Variants in EYA1 observed in about 807,000 individuals in gnomAD.
EYA1 encodes EYA transcriptional coactivator and phosphatase 1, also known as protein phosphatase EYA1.
EYA1 carries 16 observed loss-of-function variants against 82.0 expected under a neutral mutation model. The observed-to-expected ratio is 0.20, with a 90% CI of 0.13 to 0.30. EYA1 has a LOEUF of 0.30. Ranked by LOEUF, EYA1 falls within the 10% of genes least tolerant of loss-of-function variation. EYA1 has a pLI of 1.00. For missense variants in EYA1, 633 were observed against 730.7 expected (o/e 0.87, Z 1.54); for synonymous variants, 261 against 264.4 (o/e 0.99, Z 0.12).
intron 11 of EYA1, among the ~76,000 whole-genome samples, chr8:71,254,095 C>T (rs1814081362): frequency 6.6e-6 from 1 of 151,828 alleles, no homozygotes; most frequent in East Asian, 1.9e-4. Context: ...TCTTAGTCAA[C>T]CTCCTTAGAG....
At chr8:71,314,027 A>G (rs1443755423) in intron 7 of EYA1, among the ~76,000 whole-genome samples, 1 of 152,210 alleles carries the variant, frequency 6.6e-6, no homozygotes, top group African/African-American at 2.4e-5. Context: ...TTTCCCGGAA[A>G]TAAAGCTAGG....
At chr8:71,402,585 G>T (rs1381646248) in intron 2 of EYA1, among the ~76,000 whole-genome samples, 1 of 152,006 alleles carries the variant, frequency 6.6e-6, no homozygotes, top group Non-Finnish European at 1.5e-5. Context: ...TTAAGTTTGG[G>T]GTTATGAGAG....
At chr8:71,468,386 G>A (rs931274851) in intron 2 of EYA1, among the ~76,000 whole-genome samples, 65 of 152,048 alleles carry the variant, frequency 4.3e-4, no homozygotes, top group African/African-American at 1.5e-3. Flanking sequence ...AAATCATGTT[G>A]CAATTTTTTT....
rs535231449 is a variant in EYA1, at chr8:71,397,390, T to A, written c.34-40879A>T. On this transcript the variant is annotated intron_variant, in intron 2 of 18. Coordinates refer to the EYA1 transcript ENST00000643681. ...TGCAGTTTCTTCCTAGCATCGATGG[T>A]CTTTACAATTTGGCATGTTTTTGCA... Among the ~76,000 whole-genome samples the A allele has an allele frequency of 3.9e-5, 6 of 152,326 alleles. No individual in the cohort carries two copies. The South Asian group carries it at 1.2e-3, about 32-fold the overall frequency.
intron 2 of EYA1, among the ~76,000 whole-genome samples, chr8:71,501,889 G>T (rs118054173): frequency 0.014 from 2,087 of 152,278 alleles, 19 homozygotes; most frequent in Non-Finnish European, 0.021. Flanking sequence ...TTATATTGTG[G>T]TGTGTGCAAC....
intron 2 of EYA1, among the ~76,000 whole-genome samples, chr8:71,470,285 G>A (rs928347414): frequency 2.6e-5 from 4 of 151,984 alleles, no homozygotes; most frequent in Non-Finnish European, 4.4e-5. Flanking sequence ...TTTCTACTCT[G>A]GCTTTTACTT....
intron 2 of EYA1, among the ~76,000 whole-genome samples, chr8:71,480,584 C>T (rs910221564): frequency 6.6e-6 from 1 of 152,144 alleles, no homozygotes; most frequent in African/African-American, 2.4e-5. Flanking sequence ...ATGCTGGCAC[C>T]TTCAGCTGAA....
In EYA1 at chr8:71,199,108, A is replaced by T; in HGVS notation, c.*232T>A. The T allele has an allele frequency of 1.7e-6, 1 of 596,556 alleles. No homozygotes were observed. The highest frequency in any genetic ancestry group is 1.8e-5 in the South Asian group (1 of 54,146). The allele number at this position is 596,556 out of a possible 1,614,324, so 37.0% of individuals were successfully genotyped here. Reference sequence around the variant, plus strand: ...CAGACACATAACGCTGTGCTAAAACATTCTCATGGCTTATTTTCACTGGAT... The same window carrying T: ...CAGACACATAACGCTGTGCTAAAACTTTCTCATGGCTTATTTTCACTGGAT... On this transcript the variant is annotated 3_prime_UTR_variant, in exon 18 of 18. Coordinates refer to ENST00000340726, the MANE Select transcript of EYA1 (RefSeq NM_000503.6).
intron 9 of EYA1, among the ~76,000 whole-genome samples, chr8:71,295,760 G>A (rs916561566): frequency 2.0e-5 from 3 of 152,156 alleles, no homozygotes; most frequent in Admixed American, 6.5e-5. Flanking sequence ...TAAAAAAACT[G>A]CACACAAATG....
At chr8:71,392,079 A>G (rs2129111716) in intron 2 of EYA1, among the ~76,000 whole-genome samples, 1 of 152,138 alleles carries the variant, frequency 6.6e-6, no homozygotes, top group Middle Eastern at 3.4e-3. Flanking sequence ...AATAATAGAG[A>G]TTTCCCTCCA....
chr8:71,490,889 A>G (rs1810941806), intron 2 of EYA1, among the ~76,000 whole-genome samples: 1 of 152,202 alleles, frequency 6.6e-6, no homozygotes, highest in Non-Finnish European at 1.5e-5. Flanking sequence ...ATGAAAGCAG[A>G]TGGGTGGGTT....
At chr8:71,340,576 A>G (rs144694952) in intron 3 of EYA1, among the ~76,000 whole-genome samples, 4 of 152,146 alleles carry the variant, frequency 2.6e-5, no homozygotes, top group African/African-American at 7.2e-5. Context: ...TTCAACTAAA[A>G]TCCCACCTGT....
At chr8:71,229,234 TC>T (rs1810917624) in intron 12 of EYA1, among the ~76,000 whole-genome samples, 1 of 151,948 alleles carries the variant, frequency 6.6e-6, no homozygotes, top group African/African-American at 2.4e-5. Flanking sequence ...AAGGCAGTGC[TC>T]CTCCATTAAG....
chr8:71,483,827 C>T (rs544210538), intron 2 of EYA1, among the ~76,000 whole-genome samples: 3 of 151,930 alleles, frequency 2.0e-5, no homozygotes, highest in Non-Finnish European at 2.9e-5. Context: ...CTTTTCCTTC[C>T]GGCTGAGGAA....
intron 17 of EYA1, among the ~76,000 whole-genome samples, chr8:71,201,677 T>C (rs866971512): frequency 5.3e-5 from 8 of 152,328 alleles, no homozygotes; most frequent in Admixed American, 5.2e-4. Context: ...CTTGAAATTA[T>C]GTGTTTATCA....
chr8:71,529,724 A>C (rs1814112339), intron 2 of EYA1: 1 of 120,454 alleles, frequency 8.3e-6, no homozygotes, highest in Admixed American at 9.6e-5. Context: ...GTAATGTATA[A>C]ACCATGGTGG....
chr8:71,501,657 C>G (rs768546281), intron 2 of EYA1, among the ~76,000 whole-genome samples: 6 of 152,162 alleles, frequency 3.9e-5, no homozygotes, highest in Non-Finnish European at 7.3e-5. Flanking sequence ...GTAGAAGGAG[C>G]GTTCGCCTCT....
intron 3 of EYA1, among the ~76,000 whole-genome samples, chr8:71,351,012 GA>G (rs1826255783): frequency 1.3e-5 from 2 of 152,138 alleles, no homozygotes; most frequent in African/African-American, 2.4e-5. Flanking sequence ...GGCTTGCACA[GA>G]TTCCCAAACA....
chr8:71,426,942 A>G (rs550984296), intron 2 of EYA1, among the ~76,000 whole-genome samples: 9 of 152,338 alleles, frequency 5.9e-5, no homozygotes, highest in African/African-American at 2.2e-4. Flanking sequence ...AAAAGCAGGA[A>G]GAAGACTCAG....
Sources: gnomAD v4.1 joint callset for allele counts (sites outside exome capture counted in the v4.1 genomes callset) on GRCh38, gnomAD v4.1.1 for gene constraint, MANE v1.5 for transcripts, NCBI Gene and HGNC (gene_info 2026-07-23, HGNC 2026-07-21) for gene names.